GAB3: variants seen among roughly 807,000 people sequenced by gnomAD.
GAB3 encodes the protein GRB2-associated-binding protein 3.
GAB3 carries 12 observed loss-of-function variants against 40.4 expected under a neutral mutation model. The ratio of observed to expected loss-of-function variants is 0.30; its 90% CI spans 0.19 to 0.48. The LOEUF (loss-of-function observed/expected upper bound fraction) is 0.48, where lower values mean the gene tolerates loss of function less well. Ranked by LOEUF, GAB3 falls within the 20% of genes least tolerant of loss-of-function variation. The pLI is 0.99. For synonymous variants in GAB3, 154 were observed against 176.7 expected (o/e 0.87, Z 1.02); for missense variants, 381 against 461.9 (o/e 0.82, Z 1.61).
chrX:154,689,766 A>G (rs782088591), intron 8 of GAB3, among the ~76,000 whole-genome samples: 61 of 108,802 alleles, frequency 5.6e-4, no homozygotes, highest in Middle Eastern at 9.3e-3. Context: ...GAAATAAAAG[A>G]GGATACAAAC....
chrX:154,688,198 G>C (rs955106014), intron 8 of GAB3, among the ~76,000 whole-genome samples: 3 of 111,462 alleles, frequency 2.7e-5, no homozygotes, highest in African/African-American at 9.8e-5. Flanking sequence ...AGACAGAAGA[G>C]AATGGAAAGA....
chrX:154,680,348 ATC>A (rs2070356900), intron 8 of GAB3, 100 bp from the exon 9 acceptor site: 1 of 525,698 alleles, frequency 1.9e-6, no homozygotes, highest in East Asian at 3.4e-5. Flanking sequence ...CTGCCATCAG[ATC>A]GTAACAGAAT....
intron 4 of GAB3, among the ~76,000 whole-genome samples, chrX:154,700,414 C>T (rs782085707): frequency 1.4e-4 from 16 of 111,086 alleles, no homozygotes; most frequent in Non-Finnish European, 2.1e-4. Context: ...GAAACGATTG[C>T]CTTGTGGAGC....
chrX:154,695,968 T>A lies in GAB3; in HGVS notation c.1479A>T (p.Arg493Ser). The A allele has an allele frequency of 8.3e-7, 1 of 1,199,412 alleles. No homozygotes were observed. ...SPERNGINSA[R>S]FFANPVSRED... is the part of the protein sequence containing the mutation. ...CTCTGGAAACAGGATTAGCAAAAAA[T>A]CTTGCAGAATTAATACCATTTCTTT... is the stretch of plus-strand genomic sequence containing the variant. Residue 493 changes from arginine to serine, a missense_variant, in exon 8 of 10, where the codon AGA becomes AGT. By Grantham distance (110) the Arg-to-Ser change is moderately radical. Coordinates refer to ENST00000424127, the MANE Select transcript of GAB3 (RefSeq NM_001081573.3).
intron 1 of GAB3, among the ~76,000 whole-genome samples, chrX:154,750,204 C>T (rs2071591330): frequency 8.9e-6 from 1 of 112,772 alleles, no homozygotes; most frequent in African/African-American, 3.2e-5. Context: ...GAGTAGCAAT[C>T]AGGTCTTTAA....
intron 4 of GAB3, 67 bp downstream of exon 4, chrX:154,712,162 A>G: frequency 1.2e-6 from 1 of 827,155 alleles, no homozygotes; most frequent in Non-Finnish European, 1.7e-6. Context: ...ATGACCTCAC[A>G]TGGGCACAAA....
chrX:154,692,843 T>C (rs1385519304), intron 8 of GAB3, among the ~76,000 whole-genome samples: 1 of 111,985 alleles, frequency 8.9e-6, no homozygotes, highest in Non-Finnish European at 1.9e-5. Context: ...TTGGAACCCT[T>C]GTGCGTTACT....
rs182488593 is a variant in GAB3 at position 154,716,290 on chromosome X, T to A, written c.112A>T (p.Met38Leu). 6 of 1,211,440 alleles carry A rather than the reference T, an allele frequency of 5.0e-6. No individual in the cohort carries two copies. In the African/African-American group the frequency reaches 1.0e-4, roughly 21 times the overall value. Residue 38 changes from methionine to leucine, a missense_variant, in exon 2 of 10, where the codon ATG becomes TTG. Physicochemically the swap from Met to Leu is conservative, Grantham distance 15. Coordinates refer to ENST00000424127, the MANE Select transcript of GAB3 (RefSeq NM_001081573.3). ...KRWFVLRRGRMSGNPDVLEYY... is the reference protein window; with the variant it reads ...KRWFVLRRGRLSGNPDVLEYY... The stretch of plus-strand genomic sequence containing the variant: ...TCCAAGACATCGGGGTTGCCGCTCA[T>A]GCGGCCTCGCCGGAGGACAAACCAG...
rs1370322475 is a variant in GAB3, at chrX:154,708,682, A to G, written c.1069+3547T>C. On this transcript the variant is annotated intron_variant, in intron 4 of 9. Coordinates refer to ENST00000424127, the MANE Select transcript of GAB3 (RefSeq NM_001081573.3). The stretch of plus-strand genomic sequence containing the variant: ...AAGGTATCGGCCCACACCTGTGAGG[A>G]TGGCTAATATCAAAAAAGACAAGAA... Among the ~76,000 whole-genome samples the G allele has an allele frequency of 2.7e-5, 3 of 111,975 alleles. No individual in the cohort carries two copies. The Admixed American group carries it at 2.8e-4, about 11-fold the overall frequency.
intron 1 of GAB3, among the ~76,000 whole-genome samples, chrX:154,748,865 G>C (rs1337521965): frequency 8.9e-6 from 1 of 112,110 alleles, no homozygotes; most frequent in Non-Finnish European, 1.9e-5. Context: ...TTAAGCAGCT[G>C]TAACAGCCCT....
chrX:154,699,154 C>T, intron 6 of GAB3, 140 bp downstream of exon 6: 1 of 513,510 alleles, frequency 1.9e-6, no homozygotes, highest in Non-Finnish European at 3.4e-6. Flanking sequence ...TATTCCAACC[C>T]AGCCACTTCT....
chrX:154,745,982 G>A (rs2071521239), intron 1 of GAB3, among the ~76,000 whole-genome samples: 1 of 107,563 alleles, frequency 9.3e-6, no homozygotes, highest in Admixed American at 9.9e-5. Context: ...AACCCAGGAG[G>A]TGGAGGTTGC....
In GAB3 at chrX:154,731,527, G is replaced by C. The variant is rs140526830; in HGVS notation, c.73-15198C>G. 8.0e-5 allele frequency among the ~76,000 whole-genome samples: 9 copies of C among 112,160 alleles called. No individual in the cohort carries two copies. In the East Asian group the frequency reaches 2.5e-3, roughly 31 times the overall value. ...GGTTACACAACATTATGAAGGTACA[G>C]TAGTTAATGCCACTGAACTGTCCCC... On this transcript the variant is annotated intron_variant, in intron 1 of 9. Coordinates refer to ENST00000424127, the MANE Select transcript of GAB3 (RefSeq NM_001081573.3).
At chrX:154,679,283 C>T (rs781917633) in intron 9 of GAB3, 28 of 338,245 alleles carry the variant, frequency 8.3e-5, no homozygotes, top group African/African-American at 6.4e-4. Flanking sequence ...CAGATGGGGG[C>T]TGCTTCTCTT....
chrX:154,711,708 T>A (rs2070950041), intron 4 of GAB3, among the ~76,000 whole-genome samples: 1 of 111,815 alleles, frequency 8.9e-6, no homozygotes. Flanking sequence ...GGACTCTCTA[T>A]GTATGTGAGA....
At chrX:154,733,499 T>C (rs1393478429) in intron 1 of GAB3, among the ~76,000 whole-genome samples, 1 of 112,184 alleles carries the variant, frequency 8.9e-6, no homozygotes, top group Non-Finnish European at 1.9e-5. Flanking sequence ...CCTAAAATAG[T>C]GTTCAGCATA....
At chrX:154,714,250 A>G (rs1405373265) in intron 2 of GAB3, among the ~76,000 whole-genome samples, 25 of 111,580 alleles carry the variant, frequency 2.2e-4, no homozygotes, top group South Asian at 3.8e-4. Context: ...AGTCAGGATG[A>G]CCCAGAACTA....
chrX:154,738,789 T>A (rs2071398502), intron 1 of GAB3, among the ~76,000 whole-genome samples: 1 of 112,354 alleles, frequency 8.9e-6, no homozygotes, highest in Admixed American at 9.4e-5. Flanking sequence ...AAGATTTTTT[T>A]AAAAAGGATA....
chrX:154,707,984 C>G (rs1489535769), intron 4 of GAB3, among the ~76,000 whole-genome samples: 6 of 111,541 alleles, frequency 5.4e-5, no homozygotes, highest in East Asian at 5.6e-4. Context: ...ATTATATACA[C>G]AAATTAAATA....
Sources: allele counts gnomAD v4.1 joint callset (sites outside exome capture counted in the v4.1 genomes callset), GRCh38; gene constraint gnomAD v4.1.1; transcripts MANE v1.5; gene names NCBI Gene and HGNC (gene_info 2026-07-23, HGNC 2026-07-21).